Variants in ADGRD1 observed in about 807,000 individuals in gnomAD.
ADGRD1 encodes adhesion G protein-coupled receptor D1.
In ADGRD1, 77 loss-of-function variants were observed where a neutral mutation model predicts 113.4. The ratio of observed to expected loss-of-function variants is 0.68; its 90% confidence interval spans 0.57 to 0.82. The LOEUF is 0.82. Ranked by LOEUF, ADGRD1 falls within the 40% of genes least tolerant of loss-of-function variation. The probability of loss-of-function intolerance (pLI) is 0.00; values close to 1 mark genes in which losing one functional copy is unlikely to be tolerated. For missense variants in ADGRD1, 1,036 were observed against 1,139.1 expected (o/e 0.91, Z 1.30); for synonymous variants, 474 against 475.0 (o/e 1.00, Z 0.03).
intron 20 of ADGRD1, among the ~76,000 whole-genome samples, chr12:131,123,112 A>G (rs1305642486): frequency 8.6e-6 from 1 of 115,964 alleles, no homozygotes; most frequent in Non-Finnish European, 1.6e-5. Flanking sequence ...GCTGGAGTGC[A>G]GTGGCACGAT....
intron 17 of ADGRD1, among the ~76,000 whole-genome samples, chr12:131,108,169 G>A (rs1950274052): frequency 1.3e-5 from 2 of 152,216 alleles, no homozygotes; most frequent in South Asian, 2.1e-4. Flanking sequence ...CTATGGAGCA[G>A]CATGGTCGCC....
At chr12:131,047,769 G>T (rs1437746584) in intron 13 of ADGRD1, among the ~76,000 whole-genome samples, 1 of 152,192 alleles carries the variant, frequency 6.6e-6, no homozygotes, top group Admixed American at 6.5e-5. Flanking sequence ...GTGGGTCAGT[G>T]GGAGGAGGCT....
At chr12:130,994,352 A>C (rs947921791) in intron 8 of ADGRD1, 1 of 368,146 alleles carries the variant, frequency 2.7e-6, no homozygotes, top group Non-Finnish European at 5.7e-6. Context: ...CCTTCTATGC[A>C]GTTAGCACTT....
At chr12:131,137,104 AG>A in intron 23 of ADGRD1, 90 bp downstream of exon 23, 1 of 1,063,612 alleles carries the variant, frequency 9.4e-7, no homozygotes, top group Non-Finnish European at 1.5e-6. Context: ...CTGCCCTGTC[AG>A]GGTGGTGTCT....
chr12:131,120,043 A>G (rs1950555820), intron 19 of ADGRD1, among the ~76,000 whole-genome samples: 1 of 152,118 alleles, frequency 6.6e-6, no homozygotes, highest in East Asian at 1.9e-4. Context: ...ATTAAATGAG[A>G]TGATGGAGTT....
intron 15 of ADGRD1, among the ~76,000 whole-genome samples, chr12:131,103,027 G>T (rs1267159440): frequency 6.6e-6 from 1 of 152,238 alleles, no homozygotes; most frequent in Non-Finnish European, 1.5e-5. Context: ...AACCTGGAAG[G>T]GGGATTCTTC....
chr12:131,019,963 G>A (rs60956434), intron 13 of ADGRD1, among the ~76,000 whole-genome samples: 2 of 24,836 alleles, frequency 8.1e-5, no homozygotes, highest in Non-Finnish European at 1.1e-4. Flanking sequence ...CCCGAGCTCC[G>A]TCCAGGGCAG....
chr12:130,997,357 A>T (rs1875678308), intron 8 of ADGRD1, among the ~76,000 whole-genome samples: 3 of 143,846 alleles, frequency 2.1e-5, no homozygotes, highest in Non-Finnish European at 3.0e-5. Context: ...GACGCTCCTC[A>T]CTTCCCAGAC....
intron 8 of ADGRD1, among the ~76,000 whole-genome samples, chr12:130,997,240 C>T (rs1267704750): frequency 2.1e-5 from 3 of 145,694 alleles, no homozygotes; most frequent in Non-Finnish European, 3.0e-5. Flanking sequence ...CCTCACTTCC[C>T]AGTAGGGGCG....
At position 131,139,251 on chromosome 12, in the gene ADGRD1, G is replaced by A; in HGVS notation, c.2613G>A (p.Leu871=). The change falls in exon 25 of 25, where the codon CTG becomes CTA. Residue 871 remains leucine (L), a synonymous_variant. Transcript: ENST00000261654. ...GCCACTCTGCCCACCGCGTCGACCT[G>A]TCAGCCGTGTGAGCCGGGAGGCTGC... ...KSSHSAHRVD[L]SAV is the part of the protein sequence containing the mutation. 1 of 1,612,296 alleles carries A rather than the reference G, an allele frequency of 6.2e-7. No individual in the cohort carries two copies. The highest frequency in any genetic ancestry group is 8.5e-7 in the Non-Finnish European group (1 of 1,179,436).
At chr12:131,114,693 T>C (rs1950422614) in intron 18 of ADGRD1, among the ~76,000 whole-genome samples, 2 of 151,818 alleles carry the variant, frequency 1.3e-5, no homozygotes, top group African/African-American at 2.4e-5. Flanking sequence ...GGCCTTACTC[T>C]AGTTTTTGAG....
chr12:130,983,243 G>A (rs1873233527), intron 5 of ADGRD1, among the ~76,000 whole-genome samples: 2 of 152,116 alleles, frequency 1.3e-5, no homozygotes, highest in African/African-American at 4.8e-5. Context: ...TGGCACAGTG[G>A]GCCCAGAAGG....
intron 13 of ADGRD1, among the ~76,000 whole-genome samples, chr12:131,053,409 A>G (rs1883577603): frequency 6.6e-6 from 1 of 152,242 alleles, no homozygotes; most frequent in African/African-American, 2.4e-5. Flanking sequence ...GTGCTCTGCT[A>G]AATCAGGAAA....
chr12:131,101,826 A>G (rs1468211609), intron 15 of ADGRD1, among the ~76,000 whole-genome samples: 2 of 152,208 alleles, frequency 1.3e-5, no homozygotes, highest in African/African-American at 4.8e-5. Flanking sequence ...TGTGAGAGAC[A>G]AGACTTTTCA....
rs71095334 is a variant in ADGRD1, at chr12:131,101,377, CTTTT to C, written c.1672-3430_1672-3427del. Among the ~76,000 whole-genome samples, 311 of 36,108 alleles carry C rather than the reference CTTTT, an allele frequency of 8.6e-3. 2 individuals are homozygous for C. The highest frequency in any genetic ancestry group is 0.028 in the African/African-American group (300 of 10,850). 23.7% of individuals were successfully genotyped at this position (36,108 alleles called of 152,430 possible). ...TTATTTTTTTTCTTTTTCTTTCTTT[CTTTT>C]TTTTTTTTTTTTTTTTTTTTTTTGA... On this transcript the variant is annotated intron_variant, in intron 15 of 24. Transcript: ENST00000261654.
At chr12:131,098,201 C>G (rs1346024551) in intron 15 of ADGRD1, among the ~76,000 whole-genome samples, 1 of 152,234 alleles carries the variant, frequency 6.6e-6, no homozygotes, top group Non-Finnish European at 1.5e-5. Context: ...GCCTCACTGC[C>G]TTCTCTGCTT....
chr12:131,027,052 GTTAT>G lies in ADGRD1; in HGVS notation c.1473+12715_1473+12718del, dbSNP rs1477511019. ...CTCGTAGGGATTGTGGCACACAGCTGTTATTTCTCTAGGATTTGCTGTGAATGAG... is the reference window on the plus strand; with the variant it reads ...CTCGTAGGGATTGTGGCACACAGCTGTTCTCTAGGATTTGCTGTGAATGAG... On this transcript the variant is annotated intron_variant, in intron 13 of 24. Transcript: ENST00000261654. The surrounding 1 kb of genome is among the most constrained non-coding windows in gnomAD (Gnocchi z 5.1). The G allele has an allele frequency of 6.6e-6, 1 of 152,170 alleles. No homozygotes were observed. Among genetic ancestry groups the G allele is most frequent in the Non-Finnish European group, 1.5e-5 (1 of 68,038 alleles). The allele number at this position is 152,170 out of a possible 1,614,324, so 9.4% of individuals were successfully genotyped here.
intron 13 of ADGRD1, among the ~76,000 whole-genome samples, chr12:131,015,068 G>A (rs1464129341): frequency 6.6e-6 from 1 of 152,264 alleles, no homozygotes; most frequent in African/African-American, 2.4e-5. Context: ...AACTCACTGT[G>A]TTATTGGTCA....
Position 131,060,770 on chromosome 12 carries a change from A to C in ADGRD1, c.1474-16031A>C, listed in dbSNP as rs1884251440. Among the ~76,000 whole-genome samples, 1 of 152,150 alleles carries C rather than the reference A, an allele frequency of 6.6e-6. No homozygotes were observed. The highest frequency in any genetic ancestry group is 1.9e-4 in the East Asian group (1 of 5,182). On this transcript the variant is annotated intron_variant, in intron 13 of 24. Coordinates refer to ENST00000261654, the MANE Select transcript of ADGRD1 (RefSeq NM_198827.5). This position sits in a 1 kb window ranked among gnomAD's most constrained non-coding sequence, Gnocchi z 4.4. ...TTTGATCAAAAACTTTGGGATGCGG[A>C]ATGTAAAATCACTTATGATCTCACT...
Sources: allele counts gnomAD v4.1 joint callset (sites outside exome capture counted in the v4.1 genomes callset), GRCh38; gene constraint gnomAD v4.1.1; non-coding constraint Gnocchi (gnomAD v3.1); transcripts MANE v1.5; gene names NCBI Gene and HGNC (gene_info 2026-07-23, HGNC 2026-07-21).